Variants in DHRS12 observed in about 807,000 individuals in gnomAD.
DHRS12 encodes the protein dehydrogenase/reductase 12.
Under a neutral mutation model 32.1 loss-of-function variants are expected in DHRS12, and 29 were observed. The ratio of observed to expected loss-of-function variants is 0.90; its 90% CI spans 0.67 to 1.23. The LOEUF (loss-of-function observed/expected upper bound fraction) is 1.23, where lower values mean the gene tolerates loss of function less well. Among genes scored for constraint, DHRS12 ranks in the 50% most tolerant of loss-of-function variants. The pLI, the probability that DHRS12 is intolerant of heterozygous loss-of-function variation, is 0.00. For synonymous variants in DHRS12, 150 were observed against 135.9 expected (o/e 1.10, Z -0.72); for missense variants, 330 against 337.2 (o/e 0.98, Z 0.17).
intron 3 of DHRS12, 98 bp from the exon 4 acceptor site, chr13:51,790,190 C>A: frequency 2.2e-6 from 2 of 893,636 alleles, no homozygotes; most frequent in Non-Finnish European, 3.3e-6. Context: ...AGCTCTTTTT[C>A]AACTTTCAAG....
chr13:51,765,274 T>A (rs1439997083), downstream of DHRS12: 9 of 152,356 alleles, frequency 5.9e-5, no homozygotes, highest in East Asian at 1.7e-3. Context: ...CTCAGTTTCT[T>A]AACCAAGAAC....
At chr13:51,780,437 C>T (rs906776283) in intron 4 of DHRS12, among the ~76,000 whole-genome samples, 2 of 152,288 alleles carry the variant, frequency 1.3e-5, no homozygotes, top group East Asian at 1.9e-4. Flanking sequence ...AAGGCACCTT[C>T]AGCTACTGGA....
chr13:51,796,665 C>T (rs113149223), intron 2 of DHRS12, among the ~76,000 whole-genome samples: 170 of 152,346 alleles, frequency 1.1e-3, no homozygotes, highest in Admixed American at 4.1e-3. Context: ...CTCCTCCTGT[C>T]CGTGGCCTGA....
chr13:51,755,384 C>T, the DHRS12 span: 22 of 1,614,044 alleles, frequency 1.4e-5, no homozygotes, highest in South Asian at 2.0e-4. Context: ...ACAGTGATTC[C>T]TGCCAAAAGT....
intron 4 of DHRS12, among the ~76,000 whole-genome samples, chr13:51,781,466 C>A (rs184061607): frequency 0.017 from 2,609 of 152,258 alleles, 71 homozygotes; most frequent in African/African-American, 0.059. Flanking sequence ...CAGGCATTCC[C>A]AGGCATTACA....
chr13:51,768,558 C>G (rs1302908006), intron 8 of DHRS12: 10 of 1,337,986 alleles, frequency 7.5e-6, no homozygotes, highest in Non-Finnish European at 9.6e-6. Context: ...AGGGGTGCGG[C>G]CATCCTCCCG....
At chr13:51,757,860 T>C in the DHRS12 span, among the ~76,000 whole-genome samples, 11 of 152,022 alleles carry the variant, frequency 7.2e-5, no homozygotes, top group South Asian at 2.3e-3. Flanking sequence ...TAGACTATTT[T>C]ACTGGCAAGT....
the DHRS12 span, chr13:51,755,577 G>T: frequency 1.1e-6 from 1 of 889,284 alleles, no homozygotes. Context: ...TATTATCCTG[G>T]AGTCACCTCG....
chr13:51,778,194 A>G (rs1247114496), intron 4 of DHRS12, among the ~76,000 whole-genome samples: 1 of 152,170 alleles, frequency 6.6e-6, no homozygotes, highest in Non-Finnish European at 1.5e-5. Flanking sequence ...TTTTCAGGAG[A>G]TAATAGCTGG....
intron 4 of DHRS12, chr13:51,777,322 G>A (rs978421325): frequency 6.6e-6 from 4 of 602,772 alleles, no homozygotes; most frequent in African/African-American, 1.9e-5. Context: ...ATGCCTTAGA[G>A]CCTCATGTAC....
At chr13:51,766,075 G>A (rs975657165), downstream of DHRS12, 2 of 152,184 alleles carry the variant, frequency 1.3e-5, no homozygotes, top group Non-Finnish European at 2.9e-5. Context: ...TATCATTTTA[G>A]TGGATGGCAG....
At chr13:51,799,442 G>C in intron 2 of DHRS12, 92 bp downstream of exon 2, 1 of 1,547,424 alleles carries the variant, frequency 6.5e-7, no homozygotes, top group East Asian at 2.3e-5. Flanking sequence ...GGACTTCCTG[G>C]CCTGCCTGTG....
chr13:51,782,757 G>A lies in DHRS12; in HGVS notation c.302-5636C>T, dbSNP rs1003886473. On this transcript the variant is annotated intron_variant, in intron 4 of 8. Coordinates refer to ENST00000444610, the MANE Select transcript of DHRS12 (RefSeq NM_001377533.1). The surrounding 1 kb of genome is among the most constrained non-coding windows in gnomAD (Gnocchi z 4.2). The stretch of plus-strand genomic sequence containing the variant: ...ACCTGCTGTACTGCAGGGAGAACCC[G>A]AGTATGGGCACTTGGGCCTCAGCTC... 3.9e-5 allele frequency among the ~76,000 whole-genome samples: 6 copies of A among 152,174 alleles called. No homozygotes were observed. The highest frequency in any genetic ancestry group is 7.2e-5 in the African/African-American group (3 of 41,438).
In DHRS12 at chr13:51,791,164, C is replaced by T. The variant is rs1955250205; in HGVS notation, c.219+1G>A. The T allele has an allele frequency of 6.4e-7, 1 of 1,568,734 alleles. No homozygotes were observed. Among genetic ancestry groups the T allele is most frequent in the Non-Finnish European group, 8.6e-7 (1 of 1,156,412 alleles). On this transcript the variant is annotated splice_donor_variant, in intron 3 of 8. Transcript: ENST00000444610. LOFTEE classifies it high-confidence loss of function. Reference sequence around the variant, plus strand: ...TCTCCACTTATGTTTACAAAGCTCACCAGAACATGGAGTTTATGTTCCTGC... The same window carrying T: ...TCTCCACTTATGTTTACAAAGCTCATCAGAACATGGAGTTTATGTTCCTGC...
the DHRS12 span, chr13:51,758,309 C>T: frequency 1.3e-6 from 2 of 1,559,276 alleles, no homozygotes; most frequent in Non-Finnish European, 8.8e-7. Context: ...AGGTAAGATG[C>T]CATCTTATTA....
At chr13:51,765,987 G>A (rs1953734860), downstream of DHRS12, 1 of 151,980 alleles carries the variant, frequency 6.6e-6, no homozygotes, top group Non-Finnish European at 1.5e-5. Context: ...CTTGGTTCTC[G>A]GGGATGCATG....
Position 51,776,293 on chromosome 13 carries a change from G to A in DHRS12, c.363+767C>T, listed in dbSNP as rs762545722. ...TCAGCGGAGCTGCGTCCCCTCTGCCGGTCTCAGAGGAGACTCCATTCCTTG... is the reference window on the plus strand; with the variant it reads ...TCAGCGGAGCTGCGTCCCCTCTGCCAGTCTCAGAGGAGACTCCATTCCTTG... On this transcript the variant is annotated intron_variant, in intron 5 of 8. Coordinates refer to ENST00000444610, the MANE Select transcript of DHRS12 (RefSeq NM_001377533.1). 39 of 152,250 alleles carry A rather than the reference G, an allele frequency of 2.6e-4. 3 individuals are homozygous for A. Among genetic ancestry groups the A allele is most frequent in the Admixed American group, 3.3e-4 (5 of 15,298 alleles). 9.4% of individuals were successfully genotyped at this position (152,250 alleles called of 1,614,324 possible).
chr13:51,771,142 G>A, intron 7 of DHRS12: 1 of 1,519,048 alleles, frequency 6.6e-7, no homozygotes, highest in Admixed American at 2.0e-5. Context: ...ACTCCACAGA[G>A]GCTTGAGGAC....
Position 51,799,639 on chromosome 13 carries a change from A to C in DHRS12, c.21T>G (p.Thr7=), listed in dbSNP as rs760449137. 6 of 1,614,142 alleles carry C rather than the reference A, an allele frequency of 3.7e-6. No individual in the cohort carries two copies. The highest frequency in any genetic ancestry group is 5.1e-6 in the Non-Finnish European group (6 of 1,180,032). The part of the protein sequence containing the change: MNLHVK[T]LSLMTWRSRF... Reference sequence around the variant, plus strand: ...TGGACCTCCAAGTCATGAGGGACAAAGTCTTTACATGCAGATTCATAGCCA... The same window carrying C: ...TGGACCTCCAAGTCATGAGGGACAACGTCTTTACATGCAGATTCATAGCCA... The change falls in exon 2 of 9, where the codon ACT becomes ACG. Residue 7 remains threonine, a synonymous_variant. Coordinates refer to ENST00000444610, the MANE Select transcript of DHRS12 (RefSeq NM_001377533.1).
Sources: allele counts gnomAD v4.1 joint callset (sites outside exome capture counted in the v4.1 genomes callset), GRCh38; gene constraint gnomAD v4.1.1; non-coding constraint Gnocchi (gnomAD v3.1); transcripts MANE v1.5; gene names NCBI Gene and HGNC (gene_info 2026-07-23, HGNC 2026-07-21).